PTPRT: variants seen among roughly 807,000 people sequenced by gnomAD.
The protein encoded by PTPRT is protein tyrosine phosphatase receptor type T.
Under a neutral mutation model 176.8 loss-of-function variants are expected in PTPRT, and 56 were observed. The ratio of observed to expected loss-of-function variants is 0.32; its 90% CI spans 0.26 to 0.40. PTPRT has a LOEUF of 0.40. Ranked by LOEUF, PTPRT falls within the 10% of genes least tolerant of loss-of-function variation. The probability of loss-of-function intolerance (pLI) is 1.00; values close to 1 mark genes in which losing one functional copy is unlikely to be tolerated. For missense variants in PTPRT, 1,540 were observed against 1,908.2 expected (o/e 0.81, Z 3.60); for synonymous variants, 783 against 739.0 (o/e 1.06, Z -0.96).
intron 17 of PTPRT, among the ~76,000 whole-genome samples, chr20:42,151,294 C>T (rs1055118575): frequency 2.0e-5 from 3 of 152,048 alleles, no homozygotes; most frequent in Non-Finnish European, 4.4e-5. Flanking sequence ...TAATGTTCTC[C>T]CTCCCTTTGT....
At chr20:42,226,506 C>T (rs1006748210) in intron 15 of PTPRT, among the ~76,000 whole-genome samples, 2 of 152,162 alleles carry the variant, frequency 1.3e-5, no homozygotes, top group Admixed American at 1.3e-4. Flanking sequence ...AAACAAAATG[C>T]AATCATTAGC....
At chr20:42,258,704 T>G (rs916638023) in intron 13 of PTPRT, among the ~76,000 whole-genome samples, 2 of 152,210 alleles carry the variant, frequency 1.3e-5, no homozygotes, top group African/African-American at 4.8e-5. Flanking sequence ...TATTTCATCA[T>G]TCTTCTAAGT....
At chr20:42,066,037 CTT>C in the PTPRT span, among the ~76,000 whole-genome samples, 14 of 124,188 alleles carry the variant, frequency 1.1e-4, no homozygotes, top group Non-Finnish European at 1.1e-4. Context: ...TAGTATATTA[CTT>C]TTTTTTTTTT....
chr20:42,814,088 A>T (rs1009687936), intron 2 of PTPRT, among the ~76,000 whole-genome samples: 2 of 152,122 alleles, frequency 1.3e-5, no homozygotes, highest in Non-Finnish European at 2.9e-5. Flanking sequence ...GGAATCCCCA[A>T]ACTATGTTAC....
In PTPRT at chr20:42,598,405, C is replaced by A. The variant is rs183971377; in HGVS notation, c.1153+79461G>T. Among the ~76,000 whole-genome samples, 643 of 150,222 alleles carry A rather than the reference C, an allele frequency of 4.3e-3. 4 individuals are homozygous for A. Among genetic ancestry groups the A allele is most frequent in the Middle Eastern group, 0.037 (11 of 294 alleles). On this transcript the variant is annotated intron_variant, in intron 7 of 30. Coordinates refer to ENST00000373187, the MANE Select transcript of PTPRT (RefSeq NM_007050.6). ...TTTATAACAAGACACAACAAAAGAGCTGTTTTTTAAATGCGAGAGTATTGG... is the reference window on the plus strand; with the variant it reads ...TTTATAACAAGACACAACAAAAGAGATGTTTTTTAAATGCGAGAGTATTGG...
chr20:42,271,149 A>G (rs1231338467), intron 13 of PTPRT, among the ~76,000 whole-genome samples: 1 of 152,168 alleles, frequency 6.6e-6, no homozygotes, highest in Admixed American at 6.5e-5. Context: ...CAGGCCCTCC[A>G]TGATGAATCT....
At chr20:42,480,146 T>C (rs2071360866) in intron 7 of PTPRT, among the ~76,000 whole-genome samples, 1 of 152,238 alleles carries the variant, frequency 6.6e-6, no homozygotes, top group South Asian at 2.1e-4. Flanking sequence ...AAAAGAACAT[T>C]GGTTCTGTGA....
chr20:43,073,474 T>C (rs988190546), intron 1 of PTPRT, among the ~76,000 whole-genome samples: 1 of 84,170 alleles, frequency 1.2e-5, no homozygotes, highest in Non-Finnish European at 2.3e-5. Flanking sequence ...CAGGAATATA[T>C]ATATATACAC....
At chr20:42,840,293 C>T (rs192683531) in intron 2 of PTPRT, among the ~76,000 whole-genome samples, 155 of 152,284 alleles carry the variant, frequency 1.0e-3, no homozygotes, top group Non-Finnish European at 2.0e-3. Flanking sequence ...TTGGGGCCAA[C>T]CTACTCCAGT....
chr20:42,614,384 A>G (rs6102950), intron 7 of PTPRT, among the ~76,000 whole-genome samples: 31,962 of 152,048 alleles, frequency 0.21, 4,596 homozygotes, highest in African/African-American at 0.41. Context: ...GGACTTCAAC[A>G]TATAATTCAG....
chr20:42,092,849 G>GCC (rs1984773077), intron 27 of PTPRT, among the ~76,000 whole-genome samples: 1 of 152,182 alleles, frequency 6.6e-6, no homozygotes, highest in Non-Finnish European at 1.5e-5. Context: ...ATCCATCACA[G>GCC]CCCCCATTAT....
At position 42,073,633 on chromosome 20, in the gene PTPRT, G is replaced by A. The variant is rs969718485; in HGVS notation, c.*7246C>T. 4 of 209,144 alleles carry A rather than the reference G, an allele frequency of 1.9e-5. No individual in the cohort carries two copies. The highest frequency in any genetic ancestry group is 3.7e-5 in the Non-Finnish European group (4 of 106,950). 13.0% of individuals were successfully genotyped at this position (209,144 alleles called of 1,614,324 possible). A position where few individuals can be genotyped will look rare whatever the true frequency, so the allele number is the denominator to read the frequency against. On this transcript the variant is annotated 3_prime_UTR_variant, in exon 31 of 31. Coordinates refer to ENST00000373187, the MANE Select transcript of PTPRT (RefSeq NM_007050.6). ...TGGGTATTGGGTCTATGGCAAAGCAGCTGTTCCCTATGGTTTGCTGTTTGG... is the reference window on the plus strand; with the variant it reads ...TGGGTATTGGGTCTATGGCAAAGCAACTGTTCCCTATGGTTTGCTGTTTGG...
chr20:42,885,261 G>A (rs2079084011), intron 2 of PTPRT, among the ~76,000 whole-genome samples: 1 of 146,342 alleles, frequency 6.8e-6, no homozygotes, highest in African/African-American at 2.5e-5. Context: ...CATATATAAT[G>A]TATAATATAA....
chr20:42,860,951 T>G (rs2078650260), intron 2 of PTPRT, among the ~76,000 whole-genome samples: 2 of 152,218 alleles, frequency 1.3e-5, no homozygotes, highest in South Asian at 4.1e-4. Context: ...CTCCGTCACA[T>G]TAAGGAAATA....
intron 2 of PTPRT, among the ~76,000 whole-genome samples, chr20:42,844,868 G>T (rs1199582807): frequency 1.3e-5 from 2 of 152,130 alleles, no homozygotes; most frequent in South Asian, 2.1e-4. Context: ...GAAACCCATG[G>T]TCCCTGCCTG....
At chr20:42,918,163 A>T (rs1978902842) in intron 1 of PTPRT, among the ~76,000 whole-genome samples, 1 of 151,840 alleles carries the variant, frequency 6.6e-6, no homozygotes, top group Non-Finnish European at 1.5e-5. Context: ...TATCCTGGAG[A>T]CCAGTAGTGA....
At chr20:42,847,382 C>T (rs1211605884) in intron 2 of PTPRT, among the ~76,000 whole-genome samples, 1 of 151,782 alleles carries the variant, frequency 6.6e-6, no homozygotes, top group Non-Finnish European at 1.5e-5. Context: ...CCCCGCCCCC[C>T]TCTGATTTCT....
At position 42,234,985 on chromosome 20, in the gene PTPRT, A is replaced by C. The variant is rs111473057; in HGVS notation, c.2342+1244T>G. Among the ~76,000 whole-genome samples, 147 of 152,322 alleles carry C rather than the reference A, an allele frequency of 9.7e-4. 2 individuals are homozygous for C. The highest frequency in any genetic ancestry group is 3.4e-3 in the African/African-American group (142 of 41,578). ...CTGAGTTTGCCAGAGGTGAGGGAAG[A>C]CATGGAGCGCTAAGCAATACATTTT... On this transcript the variant is annotated intron_variant, in intron 15 of 30. Transcript: ENST00000373187.
At chr20:42,524,760 C>G (rs1252926492) in intron 7 of PTPRT, among the ~76,000 whole-genome samples, 2 of 152,104 alleles carry the variant, frequency 1.3e-5, no homozygotes, top group African/African-American at 4.8e-5. Flanking sequence ...GACTCTCATC[C>G]CACTAACATG....
Sources: allele counts gnomAD v4.1 joint callset (sites outside exome capture counted in the v4.1 genomes callset), GRCh38; gene constraint gnomAD v4.1.1; transcripts MANE v1.5; gene names NCBI Gene and HGNC (gene_info 2026-07-23, HGNC 2026-07-21).